The following SBF2 variants were observed in gnomAD, a reference collection of about 807,000 sequenced individuals.
The protein encoded by SBF2 is myotubularin-related protein 13.
Under a neutral mutation model 225.2 loss-of-function variants are expected in SBF2, and 112 were observed. The ratio of observed to expected loss-of-function variants is 0.50; its 90% CI spans 0.43 to 0.58. The LOEUF (loss-of-function observed/expected upper bound fraction) is 0.58, where lower values mean the gene tolerates loss of function less well. Ranked by LOEUF, SBF2 falls within the 20% of genes least tolerant of loss-of-function variation. The pLI is 0.00. For synonymous variants in SBF2, 763 were observed against 773.3 expected (o/e 0.99, Z 0.22); for missense variants, 1,996 against 2,206.2 (o/e 0.90, Z 1.91).
At chr11:10,098,830 T>C (rs1356256644) in intron 2 of SBF2, among the ~76,000 whole-genome samples, 1 of 151,596 alleles carries the variant, frequency 6.6e-6, no homozygotes, top group East Asian at 1.9e-4. Flanking sequence ...AAACAGGTCA[T>C]TTGATTTCCA....
intron 2 of SBF2, among the ~76,000 whole-genome samples, chr11:10,185,507 G>A (rs980849049): frequency 2.0e-5 from 3 of 152,018 alleles, no homozygotes; most frequent in African/African-American, 7.2e-5. Flanking sequence ...AGCTGGAGTT[G>A]CAGTGGTGCA....
intron 2 of SBF2, among the ~76,000 whole-genome samples, chr11:10,182,261 C>A (rs915567233): frequency 6.6e-6 from 1 of 152,070 alleles, no homozygotes; most frequent in African/African-American, 2.4e-5. Flanking sequence ...AAATTCATTC[C>A]TTACGTACCT....
intron 28 of SBF2, among the ~76,000 whole-genome samples, chr11:9,817,766 AAC>A (rs61708797): frequency 0.2 from 24,927 of 125,436 alleles, 3,104 homozygotes; most frequent in African/African-American, 0.33. Flanking sequence ...AAAAAAAAAA[AAC>A]TACAAAAAGA....
intron 6 of SBF2, among the ~76,000 whole-genome samples, chr11:10,021,009 C>T (rs147236144): frequency 6.6e-6 from 1 of 151,862 alleles, no homozygotes; most frequent in African/African-American, 2.4e-5. Context: ...TAACCATGGA[C>T]AAGTAAAAAG....
chr11:9,863,624 T>C (rs552465732), intron 17 of SBF2, among the ~76,000 whole-genome samples: 10 of 152,306 alleles, frequency 6.6e-5, no homozygotes, highest in African/African-American at 2.4e-4. Flanking sequence ...CATTTTCTGA[T>C]GAAATTGGGA....
chr11:10,035,883 C>A (rs1239921315), intron 3 of SBF2, among the ~76,000 whole-genome samples: 1 of 152,128 alleles, frequency 6.6e-6, no homozygotes, highest in Non-Finnish European at 1.5e-5. Flanking sequence ...ACTAGAAATG[C>A]CATTTCACCC....
At chr11:9,836,427 G>A (rs1855740087) in intron 26 of SBF2, among the ~76,000 whole-genome samples, 1 of 152,018 alleles carries the variant, frequency 6.6e-6, no homozygotes, top group Non-Finnish European at 1.5e-5. Flanking sequence ...ACATATGTTG[G>A]GGTGTTTCTG....
chr11:9,890,872 AC>A (rs1157288010), intron 17 of SBF2, among the ~76,000 whole-genome samples: 1 of 152,056 alleles, frequency 6.6e-6, no homozygotes, highest in Non-Finnish European at 1.5e-5. Flanking sequence ...GGTGGCTCAC[AC>A]CTGTAATCCC....
chr11:9,808,511 T>G (rs1262131816), intron 31 of SBF2: 4 of 443,424 alleles, frequency 9.0e-6, no homozygotes, highest in Non-Finnish European at 1.7e-5. Context: ...TTTTGGCAGA[T>G]GCAGATTAAT....
chr11:10,004,421 G>A (rs1442673902), intron 6 of SBF2, among the ~76,000 whole-genome samples: 1 of 151,770 alleles, frequency 6.6e-6, no homozygotes, highest in Admixed American at 6.6e-5. Context: ...ATAATATTGA[G>A]TGAGGGTAGT....
chr11:9,850,324 T>C (rs1242823781), intron 21 of SBF2, 106 bp from the exon 22 acceptor site: 17 of 1,008,358 alleles, frequency 1.7e-5, no homozygotes, highest in Admixed American at 5.8e-5. Flanking sequence ...AGTGCAATCA[T>C]AGTTCACTGC....
In SBF2 at chr11:9,833,569, T is replaced by C. The variant is rs181461512; in HGVS notation, c.3456-1149A>G. On this transcript the variant is annotated intron_variant, in intron 26 of 39. Transcript: ENST00000256190. ...CCGAGTAGCTACGACTACAAGCGCC[T>C]GCCACCATCCCTGGCTAATTTTTTG... 5.4e-3 allele frequency among the ~76,000 whole-genome samples: 815 copies of C among 151,938 alleles called. 3 individuals carry two copies. The highest frequency in any genetic ancestry group is 8.6e-3 in the Non-Finnish European group (584 of 67,916).
intron 13 of SBF2, among the ~76,000 whole-genome samples, chr11:9,970,038 A>G: frequency 6.6e-6 from 1 of 151,930 alleles, no homozygotes; most frequent in Non-Finnish European, 1.5e-5. Flanking sequence ...GATCTCAAAC[A>G]CTCCAGGTAG....
At chr11:9,860,950 C>A (rs1395324435) in intron 17 of SBF2, among the ~76,000 whole-genome samples, 1 of 152,158 alleles carries the variant, frequency 6.6e-6, no homozygotes. Context: ...TGAAGCCCCA[C>A]CTTTCTTCAG....
At chr11:10,029,217 CAAT>C (rs1716043883) in intron 5 of SBF2, among the ~76,000 whole-genome samples, 1 of 151,984 alleles carries the variant, frequency 6.6e-6, no homozygotes, top group Non-Finnish European at 1.5e-5. Context: ...GACCAAGAAA[CAAT>C]AAATAAATCA....
chr11:10,258,760 A>G (rs755143160), intron 1 of SBF2, among the ~76,000 whole-genome samples: 2 of 152,226 alleles, frequency 1.3e-5, no homozygotes, highest in Admixed American at 6.5e-5. Flanking sequence ...TAGCCCATTC[A>G]CTACATAGTC....
rs911256594 is a variant in SBF2, at chr11:9,994,570, A to G, written c.976-572T>C. Among the ~76,000 whole-genome samples the G allele has an allele frequency of 1.8e-4, 26 of 144,698 alleles. No individual in the cohort carries two copies. The East Asian group carries it at 2.2e-3, about 12-fold the overall frequency. The allele number at this position is 144,698 out of a possible 152,430, so 94.9% of individuals were successfully genotyped here. On this transcript the variant is annotated intron_variant, in intron 9 of 39. Transcript: ENST00000256190. ...AAAACAAAATAAACCCTAAATCTAT[A>G]TATGTACATATATATATATATATGA...
rs200010291 is a variant in SBF2, at chr11:10,274,750, CAAAAAA to C, written c.55+19259_55+19264del. ...TGGGTGACAGAGCAAGACTCCATCT[CAAAAAA>C]AAAAAAAAAAAAGAAAGAATTAGAA... On this transcript the variant is annotated intron_variant, in intron 1 of 39. Coordinates refer to ENST00000256190, the MANE Select transcript of SBF2 (RefSeq NM_030962.4). Among the ~76,000 whole-genome samples the C allele has an allele frequency of 1.9e-5, 2 of 105,046 alleles. 1 individual carries two copies. The highest frequency in any genetic ancestry group is 8.5e-5 in the African/African-American group (2 of 23,634). The allele number at this position is 105,046 out of a possible 152,430, so 68.9% of individuals were successfully genotyped here. A position where few individuals can be genotyped will look rare whatever the true frequency, so the allele number is the denominator to read the frequency against.
intron 17 of SBF2, among the ~76,000 whole-genome samples, chr11:9,889,375 A>C (rs537621189): frequency 5.3e-5 from 8 of 152,356 alleles, no homozygotes; most frequent in Non-Finnish European, 2.9e-5. Flanking sequence ...GGAAATAATA[A>C]CTAGGTCTAA....
Sources: gnomAD v4.1 joint callset for allele counts (sites outside exome capture counted in the v4.1 genomes callset) on GRCh38, gnomAD v4.1.1 for gene constraint, MANE v1.5 for transcripts, NCBI Gene and HGNC (gene_info 2026-07-23, HGNC 2026-07-21) for gene names.